Variants in DNAH6 observed in about 807,000 individuals in gnomAD.
The protein encoded by DNAH6 is axonemal beta dynein heavy chain 6.
In DNAH6, 340 loss-of-function variants were observed where a neutral mutation model predicts 491.4. That is an observed-to-expected ratio of 0.69 (90% confidence interval 0.63 to 0.76). The LOEUF is 0.76. Ranked by LOEUF, DNAH6 falls within the 30% of genes least tolerant of loss-of-function variation. The pLI is 0.00. For synonymous variants in DNAH6, 1,603 were observed against 1,686.1 expected, an observed-to-expected ratio of 0.95 and a Z score of 1.21; for missense variants, 4,443 against 4,972.2, an observed-to-expected ratio of 0.89 and a Z score of 3.20.
intron 16 of DNAH6, 66 bp from the exon 17 acceptor site, chr2:84,593,906 G>A (rs1684338234): frequency 1.2e-6 from 1 of 862,464 alleles, no homozygotes; most frequent in Admixed American, 2.5e-5. Flanking sequence ...TTACTAATAG[G>A]AGAATAGCAT....
At chr2:84,614,782 T>C (rs1418699260) in intron 22 of DNAH6, among the ~76,000 whole-genome samples, 2 of 152,322 alleles carry the variant, frequency 1.3e-5, no homozygotes, top group African/African-American at 2.4e-5. Context: ...TCATTAGTGA[T>C]GTTGAGCATT....
chr2:84,653,007 C>A (rs1034036768), intron 33 of DNAH6, among the ~76,000 whole-genome samples: 6 of 151,832 alleles, frequency 4.0e-5, no homozygotes, highest in Non-Finnish European at 7.4e-5. Flanking sequence ...TCATCACCTT[C>A]TATATGTTTG....
chr2:84,628,325 G>C (rs1004891490), intron 29 of DNAH6, among the ~76,000 whole-genome samples: 25 of 152,174 alleles, frequency 1.6e-4, no homozygotes, highest in African/African-American at 6.0e-4. Context: ...CCCTTCATGT[G>C]TGGATGTTCC....
chr2:84,776,766 A>G (rs1676163532), intron 64 of DNAH6, among the ~76,000 whole-genome samples: 1 of 152,232 alleles, frequency 6.6e-6, no homozygotes, highest in Admixed American at 6.5e-5. Flanking sequence ...AGGATTATAA[A>G]TCATGCTGCT....
At chr2:84,522,614 T>C (rs1676257144) in intron 2 of DNAH6, among the ~76,000 whole-genome samples, 2 of 150,560 alleles carry the variant, frequency 1.3e-5, no homozygotes, top group South Asian at 4.2e-4. Flanking sequence ...GTGAGTAATA[T>C]ATGGCTGTTA....
At chr2:84,762,168 G>C (rs1239116163) in intron 63 of DNAH6, among the ~76,000 whole-genome samples, 1 of 152,112 alleles carries the variant, frequency 6.6e-6, no homozygotes, top group Non-Finnish European at 1.5e-5. Context: ...GGCTGAGGTT[G>C]GTTCCAGAGA....
intron 16 of DNAH6, among the ~76,000 whole-genome samples, chr2:84,591,097 T>C (rs543359143): frequency 1.1e-4 from 16 of 152,330 alleles, no homozygotes; most frequent in Non-Finnish European, 2.1e-4. Context: ...GGCTGTCCAA[T>C]GTGATACATT....
intron 41 of DNAH6, among the ~76,000 whole-genome samples, chr2:84,677,807 T>C (rs1447244776): frequency 1.3e-5 from 2 of 152,070 alleles, no homozygotes; most frequent in South Asian, 2.1e-4. Context: ...AGAAGAGAGA[T>C]TGTGAGCTGA....
In DNAH6 at chr2:84,669,314, G is replaced by A. The variant is rs762889106; in HGVS notation, c.6110G>A (p.Ser2037Asn). ...ARLPNSGDLW[S>N]IHMDFDTKRL... ...CTTCCCAATTCTGGTGATCTGTGGA[G>A]CATTCATATGGACTTTGACACCAAA... Residue 2037 changes from serine to asparagine, a missense_variant, in exon 38 of 77, where the codon AGC (serine) becomes AAC (asparagine). This residue lies in a region of DNAH6 where 2,977 missense variants were observed against 3,296.6 expected (regional missense o/e 0.90). Coordinates refer to ENST00000389394, the MANE Select transcript of DNAH6 (RefSeq NM_001370.2). 28 of 1,550,114 alleles carry A rather than the reference G, an allele frequency of 1.8e-5. No homozygotes were observed. Among genetic ancestry groups the A allele is most frequent in the East Asian group, 4.9e-5 (2 of 40,922 alleles).
At chr2:84,647,154 G>C (rs1573349701) in intron 33 of DNAH6, among the ~76,000 whole-genome samples, 1 of 152,150 alleles carries the variant, frequency 6.6e-6, no homozygotes, top group African/African-American at 2.4e-5. Context: ...GCCAAAAGTA[G>C]TTTCTTGTGA....
intron 14 of DNAH6, among the ~76,000 whole-genome samples, chr2:84,583,263 C>T (rs1348484609): frequency 1.3e-5 from 2 of 152,198 alleles, no homozygotes; most frequent in Non-Finnish European, 2.9e-5. Flanking sequence ...TCGGGCTGCT[C>T]TGGGATGATC....
At chr2:84,639,417 A>T (rs1573321110) in intron 31 of DNAH6, among the ~76,000 whole-genome samples, 2 of 133,232 alleles carry the variant, frequency 1.5e-5, no homozygotes. Context: ...GTTGTCAGTA[A>T]TTTTTTTTTT....
In DNAH6 at chr2:84,808,755, C is replaced by A. The variant is rs1330211921; in HGVS notation, c.11739+213C>A. Among the ~76,000 whole-genome samples, 5 of 152,198 alleles carry A rather than the reference C, an allele frequency of 3.3e-5. No individual in the cohort carries two copies. In the East Asian group the frequency reaches 9.6e-4, roughly 29 times the overall value. On this transcript the variant is annotated intron_variant, in intron 72 of 76. Transcript: ENST00000389394. Reference sequence around the variant, plus strand: ...ATGATGGAGTGAATATGTAACATTACAAATTCTCAGTCTCCTCCTTATCCT... The same window carrying A: ...ATGATGGAGTGAATATGTAACATTAAAAATTCTCAGTCTCCTCCTTATCCT...
At chr2:84,786,101 A>AGAAT (rs3062234) in intron 67 of DNAH6, among the ~76,000 whole-genome samples, 23,456 of 150,260 alleles carry the variant, frequency 0.16, 1,887 homozygotes, top group Middle Eastern at 0.19. Flanking sequence ...AGAGAAAGAA[A>AGAAT]GAATGAATGA....
chr2:84,627,598 C>G (rs10210073), intron 29 of DNAH6, among the ~76,000 whole-genome samples: 10,876 of 152,140 alleles, frequency 0.071, 1,286 homozygotes, highest in African/African-American at 0.25. Flanking sequence ...TCTCTTGATC[C>G]TCGGTATTAT....
At chr2:84,538,982 A>T (rs941180808) in intron 4 of DNAH6, among the ~76,000 whole-genome samples, 1 of 152,104 alleles carries the variant, frequency 6.6e-6, no homozygotes, top group Admixed American at 6.6e-5. Flanking sequence ...TTTTAAAAAA[A>T]CTTTAGAATT....
chr2:84,751,225 G>T (rs940399301), intron 63 of DNAH6: 4 of 152,214 alleles, frequency 2.6e-5, no homozygotes, highest in Non-Finnish European at 5.9e-5. Context: ...TCCCTGACTA[G>T]AGAAAAAGAG....
At chr2:84,699,347 G>A (rs549996999) in intron 47 of DNAH6, among the ~76,000 whole-genome samples, 4 of 152,214 alleles carry the variant, frequency 2.6e-5, no homozygotes, top group Admixed American at 1.3e-4. Flanking sequence ...TCAAGTACAC[G>A]GGTGAAAGGG....
chr2:84,466,478 C>T, the DNAH6 span, among the ~76,000 whole-genome samples: 1 of 152,206 alleles, frequency 6.6e-6, no homozygotes, highest in South Asian at 2.1e-4. Flanking sequence ...CAGTAGCTTA[C>T]TCTACTCAAT....
Sources: allele counts gnomAD v4.1 joint callset (sites outside exome capture counted in the v4.1 genomes callset), GRCh38; gene constraint gnomAD v4.1.1; regional missense constraint gnomAD v4.1.1; transcripts MANE v1.5; gene names NCBI Gene and HGNC (gene_info 2026-07-23, HGNC 2026-07-21).